The following RASGRP3 variants were observed in gnomAD, a reference collection of about 807,000 sequenced individuals.
The protein encoded by RASGRP3 is ras guanyl-releasing protein 3.
RASGRP3 carries 54 observed loss-of-function variants against 82.7 expected under a neutral mutation model. That is an observed-to-expected ratio of 0.65 (90% CI 0.52 to 0.82). RASGRP3 has a LOEUF of 0.82. Among genes scored for constraint, RASGRP3 ranks in the 40% least tolerant of loss-of-function variants. RASGRP3 has a pLI of 0.00. For missense variants in RASGRP3, 861 were observed against 828.9 expected (o/e 1.04, Z -0.48); for synonymous variants, 309 against 300.5 (o/e 1.03, Z -0.29).
chr2:33,547,115 T>C (rs1435846594), intron 13 of RASGRP3, among the ~76,000 whole-genome samples: 3 of 147,136 alleles, frequency 2.0e-5, no homozygotes, highest in African/African-American at 5.0e-5. Flanking sequence ...GGAACGCGGA[T>C]GGAAGTGGAG....
chr2:33,556,910 C>CACACACAT (rs1676034178), intron 15 of RASGRP3, among the ~76,000 whole-genome samples: 1 of 146,580 alleles, frequency 6.8e-6, no homozygotes, highest in Non-Finnish European at 1.5e-5. Flanking sequence ...CACACACACA[C>CACACACAT]ACACACACAC....
intron 1 of RASGRP3, among the ~76,000 whole-genome samples, chr2:33,510,412 CA>C (rs1372361952): frequency 6.6e-6 from 1 of 152,226 alleles, no homozygotes; most frequent in Non-Finnish European, 1.5e-5. Context: ...ATTTAGTCTA[CA>C]ACATCTCTGA....
At chr2:33,538,939 T>C (rs550062929) in intron 11 of RASGRP3, among the ~76,000 whole-genome samples, 155 bp from the exon 12 acceptor site, 1 of 152,196 alleles carries the variant, frequency 6.6e-6, no homozygotes, top group African/African-American at 2.4e-5. Flanking sequence ...CTTGGGAGGC[T>C]GAGGTGGAAG....
intron 1 of RASGRP3, among the ~76,000 whole-genome samples, chr2:33,488,037 A>G (rs959372381): frequency 3.3e-5 from 5 of 152,232 alleles, no homozygotes; most frequent in Non-Finnish European, 7.3e-5. Flanking sequence ...AAACTTATAC[A>G]TTTATTTTCT....
intron 2 of RASGRP3, among the ~76,000 whole-genome samples, chr2:33,448,600 A>T (rs1487280207): frequency 6.6e-6 from 1 of 152,230 alleles, no homozygotes; most frequent in Non-Finnish European, 1.5e-5. Context: ...CTTATGTGAA[A>T]TATCTACAAT....
chr2:33,539,026 C>G (rs1005562073), intron 11 of RASGRP3, 68 bp from the exon 12 acceptor site: 1 of 1,173,352 alleles, frequency 8.5e-7, no homozygotes, highest in Non-Finnish European at 1.2e-6. Context: ...GCGACAGAAC[C>G]AGACCCTGTC....
chr2:33,464,894 C>T (rs867079798), intron 2 of RASGRP3, among the ~76,000 whole-genome samples: 6 of 152,182 alleles, frequency 3.9e-5, no homozygotes, highest in African/African-American at 9.7e-5. Context: ...ACAAACTGGC[C>T]ATTTCCCCAC....
At chr2:33,438,420 G>T (rs1300327975) in intron 1 of RASGRP3, among the ~76,000 whole-genome samples, 1 of 152,136 alleles carries the variant, frequency 6.6e-6, no homozygotes, top group Non-Finnish European at 1.5e-5. Context: ...AAATTAGCTG[G>T]GCGTGGTGGC....
chr2:33,509,449 G>A (rs1670722734), intron 1 of RASGRP3, among the ~76,000 whole-genome samples: 1 of 151,920 alleles, frequency 6.6e-6, no homozygotes, highest in South Asian at 2.1e-4. Context: ...TCAAACAATG[G>A]CTTCCCGTTG....
intron 13 of RASGRP3, among the ~76,000 whole-genome samples, chr2:33,549,010 C>A (rs1289747727): frequency 6.6e-6 from 1 of 152,066 alleles, no homozygotes; most frequent in African/African-American, 2.4e-5. Flanking sequence ...TTTTGATAAA[C>A]AAGAAGTCAG....
intron 10 of RASGRP3, 200 bp from the exon 11 acceptor site, chr2:33,534,123 A>C: frequency 1.7e-6 from 1 of 578,420 alleles, no homozygotes; most frequent in Non-Finnish European, 3.1e-6. Context: ...GGTTCTCGTC[A>C]ATACTGATGA....
intron 2 of RASGRP3, among the ~76,000 whole-genome samples, chr2:33,466,535 C>G (rs564425502): frequency 2.6e-5 from 4 of 151,924 alleles, no homozygotes; most frequent in Admixed American, 6.6e-5. Flanking sequence ...AAAAATTGGC[C>G]GGGCATGGTG....
chr2:33,548,777 G>A (rs1558516499), intron 13 of RASGRP3, among the ~76,000 whole-genome samples: 1 of 151,888 alleles, frequency 6.6e-6, no homozygotes, highest in African/African-American at 2.4e-5. Context: ...TGTGATCTCG[G>A]CTCACTGCAA....
Position 33,564,235 on chromosome 2 carries a change from CAA to C in RASGRP3, c.*1500_*1501del. On this transcript the variant is annotated 3_prime_UTR_variant, in exon 18 of 18. Coordinates refer to ENST00000403687, the MANE Select transcript of RASGRP3 (RefSeq NM_001139488.2). The stretch of plus-strand genomic sequence containing the variant: ...AGCTGACAGCCCATGGGCATTAAGG[CAA>C]AGTAGTTCCAGTGATTTAAAATACG... 1 of 152,280 alleles carries C rather than the reference CAA, an allele frequency of 6.6e-6. No individual in the cohort carries two copies. Among genetic ancestry groups the C allele is most frequent in the East Asian group, 1.9e-4 (1 of 5,186 alleles). 9.4% of individuals were successfully genotyped at this position (152,280 alleles called of 1,614,324 possible).
chr2:33,482,605 C>T (rs1668035724), intron 1 of RASGRP3: 1 of 152,180 alleles, frequency 6.6e-6, no homozygotes, highest in Non-Finnish European at 1.5e-5. Context: ...TGATCATTTC[C>T]CTCTGCACGA....
At chr2:33,525,351 T>G (rs891261708) in intron 9 of RASGRP3, among the ~76,000 whole-genome samples, 14 of 151,238 alleles carry the variant, frequency 9.3e-5, no homozygotes, top group Non-Finnish European at 1.9e-4. Context: ...AATATATATA[T>G]ATATATTAGA....
Position 33,539,074 on chromosome 2 carries a change from G to GT in RASGRP3, c.1162-10dup, listed in dbSNP as rs199866643. The GT allele has an allele frequency of 0.075, 90,691 of 1,201,838 alleles. 754 individuals are homozygous for GT. Among genetic ancestry groups the GT allele is most frequent in the African/African-American group, 0.086 (5,381 of 62,754 alleles). 74.4% of individuals were successfully genotyped at this position (1,201,838 alleles called of 1,614,324 possible). ...TAATAATAAAGTTGAAAAATATGTG[G>GT]TTTTTTTTTTGTTTATCAGCAGCCT... On this transcript the variant is annotated intron_variant, in intron 11 of 17. Coordinates refer to ENST00000403687, the MANE Select transcript of RASGRP3 (RefSeq NM_001139488.2).
intron 3 of RASGRP3, 37 bp from the exon 4 acceptor site, chr2:33,516,505 T>C: frequency 7.2e-7 from 1 of 1,384,028 alleles, no homozygotes; most frequent in Non-Finnish European, 1.0e-6. Context: ...AGAATAGCAC[T>C]ATTATCTCCT....
At chr2:33,542,720 G>C (rs1674387492) in intron 12 of RASGRP3, among the ~76,000 whole-genome samples, 1 of 138,144 alleles carries the variant, frequency 7.2e-6, no homozygotes, top group South Asian at 2.3e-4. Flanking sequence ...TTTTGCTATT[G>C]TTGCCCAGGC....
Sources: gnomAD v4.1 joint callset for allele counts (sites outside exome capture counted in the v4.1 genomes callset) on GRCh38, gnomAD v4.1.1 for gene constraint, MANE v1.5 for transcripts, NCBI Gene and HGNC (gene_info 2026-07-23, HGNC 2026-07-21) for gene names.